GBE1: variants seen among roughly 807,000 people sequenced by gnomAD.
The protein encoded by GBE1 is 1,4-alpha-glucan-branching enzyme.
GBE1 carries 70 observed loss-of-function variants against 88.8 expected under a neutral mutation model. The observed-to-expected ratio is 0.79, with a 90% CI of 0.65 to 0.96. GBE1 has a LOEUF of 0.96. Ranked by LOEUF, GBE1 falls within the 40% of genes least tolerant of loss-of-function variation. The pLI is 0.00. For synonymous variants in GBE1, 284 were observed against 300.1 expected (o/e 0.95, Z 0.56); for missense variants, 872 against 871.0 (o/e 1.00, Z -0.01).
In GBE1 at chr3:81,534,181, G is replaced by A. The variant is rs141567201; in HGVS notation, c.1934+1014C>T. On this transcript the variant is annotated intron_variant, in intron 14 of 15. Coordinates refer to ENST00000429644, the MANE Select transcript of GBE1 (RefSeq NM_000158.4). ...TTCTATTGCCTGCTTGAAAAATTGTGCTGATTTATTGCTAGGTCCTGAATC... is the reference window on the plus strand; with the variant it reads ...TTCTATTGCCTGCTTGAAAAATTGTACTGATTTATTGCTAGGTCCTGAATC... Among the ~76,000 whole-genome samples, 113 of 151,918 alleles carry A rather than the reference G, an allele frequency of 7.4e-4. 2 individuals are homozygous for A. The East Asian group carries it at 0.021, about 28-fold the overall frequency.
intron 14 of GBE1, among the ~76,000 whole-genome samples, chr3:81,528,896 T>C (rs566113378): frequency 7.2e-5 from 11 of 152,152 alleles, no homozygotes; most frequent in South Asian, 2.1e-4. Context: ...TTGTAGGCAG[T>C]AGATATTTAG....
At chr3:81,546,949 T>C (rs1019136612) in intron 12 of GBE1, among the ~76,000 whole-genome samples, 11 of 151,084 alleles carry the variant, frequency 7.3e-5, no homozygotes, top group South Asian at 4.2e-4. Flanking sequence ...CCGGCCACCA[T>C]GGAAGGAACA....
intron 5 of GBE1, among the ~76,000 whole-genome samples, chr3:81,648,041 C>T (rs1303836507): frequency 6.6e-6 from 1 of 151,864 alleles, no homozygotes; most frequent in Non-Finnish European, 1.5e-5. Flanking sequence ...ATACTAAATA[C>T]TCTATACATT....
chr3:81,681,348 T>G (rs1269068151), intron 2 of GBE1, among the ~76,000 whole-genome samples: 1 of 152,142 alleles, frequency 6.6e-6, no homozygotes, highest in Non-Finnish European at 1.5e-5. Flanking sequence ...TTACATGCCA[T>G]ATCACTATCA....
At chr3:81,707,788 T>C (rs1576207523) in intron 1 of GBE1, among the ~76,000 whole-genome samples, 2 of 152,180 alleles carry the variant, frequency 1.3e-5, no homozygotes, top group East Asian at 3.9e-4. Flanking sequence ...TAATTTCTTC[T>C]TTCCATTTCA....
intron 2 of GBE1, among the ~76,000 whole-genome samples, chr3:81,697,621 C>T (rs1705619633): frequency 6.6e-6 from 1 of 152,104 alleles, no homozygotes. Flanking sequence ...ACTTCTATGC[C>T]CTCTCTGGGC....
At chr3:81,552,378 C>G (rs906711091) in intron 12 of GBE1, among the ~76,000 whole-genome samples, 2 of 152,062 alleles carry the variant, frequency 1.3e-5, no homozygotes, top group South Asian at 4.1e-4. Context: ...ATTAGCTGAG[C>G]GCGTGGCAGG....
chr3:81,532,164 AATAATGTTAAAATGAGG>A (rs1703018649), intron 14 of GBE1, among the ~76,000 whole-genome samples: 1 of 151,800 alleles, frequency 6.6e-6, no homozygotes, highest in Non-Finnish European at 1.5e-5. Flanking sequence ...CTTTGCTTGA[AATAATGTTAAAATGAGG>A]TACTATGATT....
chr3:81,551,746 C>A lies in GBE1; in HGVS notation c.1619-14651G>T, dbSNP rs150388234. 2.9e-3 allele frequency among the ~76,000 whole-genome samples: 449 copies of A among 152,312 alleles called. 1 individual carries two copies. Among genetic ancestry groups the A allele is most frequent in the South Asian group, 5.4e-3 (26 of 4,816 alleles). ...AGCTGGACACATGTCATCAGGACCT[C>A]CTGAGGCTGTGTCCGGGCACACATC... On this transcript the variant is annotated intron_variant, in intron 12 of 15. Transcript: ENST00000429644.
intron 3 of GBE1, chr3:81,654,814 G>T (rs1704907748): frequency 6.6e-6 from 1 of 152,064 alleles, no homozygotes. Context: ...GCTTTATTGA[G>T]TTATAATTAA....
intron 15 of GBE1, among the ~76,000 whole-genome samples, chr3:81,492,257 T>A (rs775666083): frequency 6.6e-6 from 1 of 152,234 alleles, no homozygotes; most frequent in East Asian, 1.9e-4. Flanking sequence ...ATAACTATCA[T>A]ACCACATCAG....
chr3:81,494,879 TTATTTTCCTCTAGGACTG>T (rs562802333), intron 15 of GBE1, among the ~76,000 whole-genome samples: 1,632 of 152,334 alleles, frequency 0.011, 16 homozygotes, highest in Non-Finnish European at 0.017. Flanking sequence ...AGGCAAAATG[TTATTTTCCTCTAGGACTG>T]TATTTTCCTC....
intron 2 of GBE1, among the ~76,000 whole-genome samples, chr3:81,693,063 A>G (rs2107146831): frequency 6.6e-6 from 1 of 152,334 alleles, no homozygotes; most frequent in East Asian, 1.9e-4. Flanking sequence ...CTTTCTGCCT[A>G]GTTTCATTAA....
chr3:81,653,146 A>C (rs1241653224), intron 3 of GBE1, among the ~76,000 whole-genome samples: 1 of 152,134 alleles, frequency 6.6e-6, no homozygotes, highest in African/African-American at 2.4e-5. Flanking sequence ...TAGCAATTTG[A>C]CAATCTGCAT....
At chr3:81,528,902 T>C (rs1702981111) in intron 14 of GBE1, among the ~76,000 whole-genome samples, 1 of 152,036 alleles carries the variant, frequency 6.6e-6, no homozygotes, top group Non-Finnish European at 1.5e-5. Flanking sequence ...GCAGTAGATA[T>C]TTAGGTTTTG....
At chr3:81,533,027 T>G (rs1703030285) in intron 14 of GBE1, among the ~76,000 whole-genome samples, 1 of 151,920 alleles carries the variant, frequency 6.6e-6, no homozygotes, top group Non-Finnish European at 1.5e-5. Flanking sequence ...ATTTATTGCA[T>G]TAAGACTTAC....
chr3:81,625,184 T>C (rs1020689177), intron 7 of GBE1, among the ~76,000 whole-genome samples: 1 of 152,114 alleles, frequency 6.6e-6, no homozygotes, highest in Non-Finnish European at 1.5e-5. Flanking sequence ...CACTCCTGCC[T>C]TGATAGAAGA....
chr3:81,608,448 T>C (rs1440855270), intron 7 of GBE1, among the ~76,000 whole-genome samples: 1 of 152,184 alleles, frequency 6.6e-6, no homozygotes, highest in East Asian at 1.9e-4. Context: ...AACACTATCT[T>C]TCTCCTTTTC....
At chr3:81,612,379 A>G (rs1294312794) in intron 7 of GBE1, 9 of 801,950 alleles carry the variant, frequency 1.1e-5, no homozygotes, top group African/African-American at 6.9e-5. Context: ...CACCACGCTC[A>G]TTAGGATGAA....
Sources: gnomAD v4.1 joint callset for allele counts (sites outside exome capture counted in the v4.1 genomes callset) on GRCh38, gnomAD v4.1.1 for gene constraint, MANE v1.5 for transcripts, NCBI Gene and HGNC (gene_info 2026-07-23, HGNC 2026-07-21) for gene names.